The following TF variants were observed in gnomAD, a reference collection of about 807,000 sequenced individuals.
The protein encoded by TF is transferrin, also known as serotransferrin.
In TF, 55 loss-of-function variants were observed where a neutral mutation model predicts 82.4. That is an observed-to-expected ratio of 0.67 (90% confidence interval 0.54 to 0.84). TF has a LOEUF of 0.84. Ranked by LOEUF, TF falls within the 40% of genes least tolerant of loss-of-function variation. The pLI is 0.00. For missense variants in TF, 737 were observed against 868.4 expected (o/e 0.85, Z 1.90); for synonymous variants, 332 against 332.6 (o/e 1.00, Z 0.02).
the TF span, among the ~76,000 whole-genome samples, chr3:133,694,883 TTTATTA>T: frequency 8.0e-6 from 1 of 125,382 alleles, no homozygotes; most frequent in East Asian, 2.3e-4. Context: ...TATTTATTTA[TTTATTA>T]TTATTATTAT....
the TF span, among the ~76,000 whole-genome samples, chr3:133,729,492 G>A: frequency 0.19 from 29,617 of 152,182 alleles, 2,987 homozygotes; most frequent in East Asian, 0.29. Context: ...CTGGTGCGCT[G>A]TTTTTTAAGC....
At position 133,748,301 on chromosome 3, in the gene TF, AGAG is replaced by A. The variant is rs565529158; in HGVS notation, c.44-105_44-103del. The A allele has an allele frequency of 4.6e-5, 59 of 1,283,870 alleles. No homozygotes were observed. The South Asian group carries it at 7.2e-4, about 16-fold the overall frequency. The allele number at this position is 1,283,870 out of a possible 1,614,324, so 79.5% of individuals were successfully genotyped here. ...CCTGTAGTGTTCATGGACAGGAGTG[AGAG>A]GAGGACAGGACTGAGGGGATGTGGC... On this transcript the variant is annotated intron_variant, in intron 1 of 16. Transcript: ENST00000402696.
intron 9 of TF, 91 bp downstream of exon 9, chr3:133,759,420 T>C: frequency 6.5e-7 from 1 of 1,536,200 alleles, no homozygotes; most frequent in Non-Finnish European, 8.9e-7. Context: ...CTGGGAATGA[T>C]GCAAAAACCT....
Position 133,778,623 on chromosome 3 carries a change from T to A in TF, c.*3T>A, listed in dbSNP as rs1325545839. ...CCTGCACTTTCCGTAGACCTTAAAA[T>A]CTCAGAGGTAGGGCTGCCACCAAGG... On this transcript the variant is annotated 3_prime_UTR_variant, in exon 17 of 17. Transcript: ENST00000402696. The A allele has an allele frequency of 2.5e-6, 4 of 1,613,350 alleles. No homozygotes were observed. The highest frequency in any genetic ancestry group is 3.4e-6 in the Non-Finnish European group (4 of 1,179,600).
At chr3:133,703,552 A>G in the TF span, among the ~76,000 whole-genome samples, 2 of 152,228 alleles carry the variant, frequency 1.3e-5, no homozygotes, top group East Asian at 3.8e-4. Context: ...TGAAGTGTTT[A>G]GAAAGGAGCC....
the TF span, among the ~76,000 whole-genome samples, chr3:133,702,660 G>A: frequency 6.6e-6 from 1 of 151,798 alleles, no homozygotes; most frequent in African/African-American, 2.4e-5. Context: ...TATTTATTAT[G>A]ATCTCTGAGC....
the TF span, among the ~76,000 whole-genome samples, chr3:133,711,725 A>G: frequency 6.6e-6 from 1 of 152,208 alleles, no homozygotes. Context: ...TGCAAAGTGC[A>G]GATATGACCA....
At chr3:133,738,297 T>G in the TF span, among the ~76,000 whole-genome samples, 4 of 152,196 alleles carry the variant, frequency 2.6e-5, no homozygotes, top group African/African-American at 9.7e-5. Context: ...AAACTAGGTA[T>G]TGATGGAACA....
At chr3:133,777,437 C>G in intron 16 of TF, 199 bp downstream of exon 16, 1 of 592,450 alleles carries the variant, frequency 1.7e-6, no homozygotes, top group East Asian at 2.9e-5. Context: ...GATACAGGCT[C>G]AGAGCACTAA....
chr3:133,729,851 T>C, the TF span, among the ~76,000 whole-genome samples: 2 of 152,230 alleles, frequency 1.3e-5, no homozygotes, highest in African/African-American at 4.8e-5. Context: ...TGTTGATTTT[T>C]TTCATTCAGA....
the TF span, among the ~76,000 whole-genome samples, chr3:133,665,531 T>G: frequency 3.3e-5 from 5 of 151,912 alleles, no homozygotes; most frequent in Non-Finnish European, 5.9e-5. Context: ...AATTAACTTT[T>G]CCCTCACTTT....
At position 133,766,408 on chromosome 3, in the gene TF, CAAT is replaced by C. The variant is rs766301557; in HGVS notation, c.1464_1466del (p.Asn488del). The stretch of plus-strand genomic sequence containing the variant: ...GGAACATCCCCATGGGCCTGCTCTA[CAAT>C]AAGATCAACCACTGCAGATTTGGTG... On this transcript the variant is annotated inframe_deletion, in exon 12 of 17. Coordinates refer to ENST00000402696, the MANE Select transcript of TF (RefSeq NM_001063.4). 6 of 1,614,036 alleles carry C rather than the reference CAAT, an allele frequency of 3.7e-6. No individual in the cohort carries two copies. In the East Asian group the frequency reaches 1.3e-4, roughly 36 times the overall value.
At chr3:133,686,555 T>C in the TF span, among the ~76,000 whole-genome samples, 1 of 152,094 alleles carries the variant, frequency 6.6e-6, no homozygotes, top group South Asian at 2.1e-4. Flanking sequence ...AACAGACACG[T>C]CTCAAAAGAA....
chr3:133,702,008 A>G, the TF span: 1 of 153,284 alleles, frequency 6.5e-6, no homozygotes, highest in Non-Finnish European at 1.5e-5. Flanking sequence ...TGATGAGTGG[A>G]GTGCTGTGAC....
At chr3:133,772,152 C>T (rs1340049918) in intron 14 of TF, among the ~76,000 whole-genome samples, 1 of 152,232 alleles carries the variant, frequency 6.6e-6, no homozygotes, top group Non-Finnish European at 1.5e-5. Flanking sequence ...TTTTCTTCAT[C>T]TTATATTCCC....
rs926770707 is a variant in TF, at chr3:133,783,794, G to A, written c.*5174G>A. The A allele has an allele frequency of 6.6e-6, 1 of 152,286 alleles. No homozygotes were observed. The highest frequency in any genetic ancestry group is 2.4e-5 in the African/African-American group (1 of 41,474). The allele number at this position is 152,286 out of a possible 1,614,324, so 9.4% of individuals were successfully genotyped here. A position where few individuals can be genotyped will look rare whatever the true frequency, so the allele number is the denominator to read the frequency against. ...GCCCTGGCCGCGGCTGCCCCACCGGGCCCATTTCTTGAAGCAGCGGCGAAC... is the reference window on the plus strand; with the variant it reads ...GCCCTGGCCGCGGCTGCCCCACCGGACCCATTTCTTGAAGCAGCGGCGAAC... On this transcript the variant is annotated 3_prime_UTR_variant, in exon 17 of 17. Coordinates refer to ENST00000402696, the MANE Select transcript of TF (RefSeq NM_001063.4).
the TF span, among the ~76,000 whole-genome samples, chr3:133,718,571 G>A: frequency 5.9e-5 from 9 of 152,314 alleles, no homozygotes; most frequent in Non-Finnish European, 1.3e-4. Flanking sequence ...GCTCTACAGA[G>A]CAGGGAGGCA....
chr3:133,701,631 A>T, the TF span, among the ~76,000 whole-genome samples: 1 of 152,144 alleles, frequency 6.6e-6, no homozygotes, highest in East Asian at 1.9e-4. Context: ...TGGGGAGCCC[A>T]GTCTTGCAAG....
chr3:133,671,282 C>T, the TF span, among the ~76,000 whole-genome samples: 3 of 152,056 alleles, frequency 2.0e-5, no homozygotes, highest in African/African-American at 7.2e-5. Context: ...TATTGGCCCA[C>T]CTGGATAATC....
Sources: allele counts gnomAD v4.1 joint callset (sites outside exome capture counted in the v4.1 genomes callset), GRCh38; gene constraint gnomAD v4.1.1; transcripts MANE v1.5; gene names NCBI Gene and HGNC (gene_info 2026-07-23, HGNC 2026-07-21).